The following TRHDE variants were observed in gnomAD, a reference collection of about 807,000 sequenced individuals.
TRHDE encodes the protein thyrotropin-releasing hormone-degrading ectoenzyme.
TRHDE carries 72 observed loss-of-function variants against 125.7 expected under a neutral mutation model. The observed-to-expected ratio is 0.57, with a 90% CI of 0.47 to 0.70. The LOEUF (loss-of-function observed/expected upper bound fraction) is 0.70. Among genes scored for constraint, TRHDE ranks in the 30% least tolerant of loss-of-function variants. The probability of loss-of-function intolerance (pLI) is 0.00; values close to 1 mark genes in which losing one functional copy is unlikely to be tolerated. For synonymous variants in TRHDE, 509 were observed against 509.1 expected (o/e 1.00, Z 0.00); for missense variants, 1,110 against 1,327.1 (o/e 0.84, Z 2.54).
intron 13 of TRHDE, among the ~76,000 whole-genome samples, chr12:72,619,346 G>A (rs1238310548): frequency 6.6e-6 from 1 of 152,110 alleles, no homozygotes; most frequent in Non-Finnish European, 1.5e-5. Flanking sequence ...TGTTCACAAA[G>A]GACTTAACCT....
chr12:72,433,984 C>G (rs991865200), intron 3 of TRHDE, among the ~76,000 whole-genome samples: 1 of 152,020 alleles, frequency 6.6e-6, no homozygotes, highest in African/African-American at 2.4e-5. Context: ...CGTGTACCTG[C>G]CTGTTGTGGA....
chr12:72,123,165 G>A (rs1592449060), intron 2 of TRHDE, among the ~76,000 whole-genome samples: 2 of 152,086 alleles, frequency 1.3e-5, no homozygotes, highest in Admixed American at 1.3e-4. Context: ...TGGTAGTGCT[G>A]TGTACACTAG....
chr12:72,261,953 T>C (rs1231307987), intron 2 of TRHDE, among the ~76,000 whole-genome samples: 1 of 152,058 alleles, frequency 6.6e-6, no homozygotes, highest in Admixed American at 6.6e-5. Flanking sequence ...TTGGAAAAAA[T>C]TTAATAAAGT....
At chr12:72,425,051 A>C (rs2135832230) in intron 3 of TRHDE, among the ~76,000 whole-genome samples, 1 of 152,252 alleles carries the variant, frequency 6.6e-6, no homozygotes, top group East Asian at 1.9e-4. Flanking sequence ...AGAAAAATGA[A>C]AGCAATATTG....
At position 72,272,680 on chromosome 12, in the gene TRHDE, G is replaced by A; in HGVS notation, c.37G>A (p.Glu13Lys). The A allele has an allele frequency of 3.0e-6, 4 of 1,321,322 alleles. No homozygotes were observed. Among genetic ancestry groups the A allele is most frequent in the Non-Finnish European group, 4.0e-6 (4 of 997,172 alleles). The allele number at this position is 1,321,322 out of a possible 1,614,324, so 81.8% of individuals were successfully genotyped here. A position where few individuals can be genotyped will look rare whatever the true frequency, so the allele number is the denominator to read the frequency against. The change falls in exon 1 of 19, where the codon GAG becomes AAG. Residue 13 changes from glutamate (E) to lysine (K), a missense_variant. Around this residue, in one of 5 missense-constraint regions of TRHDE, gnomAD observed 248 missense variants for 240.8 expected, o/e 1.03. Coordinates refer to ENST00000261180, the MANE Select transcript of TRHDE (RefSeq NM_013381.3). The surrounding 1 kb of genome is among the most constrained non-coding windows in gnomAD (Gnocchi z 6.7). ...CGGCGAGCTGGGGGAGCAAGAGGAG[G>A]AGAAGAAAAAGAAGAAGAAAAAGAA... ...LDGELGEQEE[E>K]KKKKKKKKRK... is the part of the protein sequence containing the mutation.
chr12:72,487,409 A>G (rs894120642), intron 5 of TRHDE, among the ~76,000 whole-genome samples: 1 of 152,188 alleles, frequency 6.6e-6, no homozygotes, highest in Admixed American at 6.5e-5. Flanking sequence ...ATAGTCATAT[A>G]TAAGGAGACC....
chr12:72,405,331 G>T (rs1873219854), intron 3 of TRHDE, among the ~76,000 whole-genome samples: 1 of 151,974 alleles, frequency 6.6e-6, no homozygotes, highest in African/African-American at 2.4e-5. Flanking sequence ...GCCTATTTTT[G>T]TTCATTTAAA....
At chr12:72,572,629 A>G (rs1228884417) in intron 10 of TRHDE, among the ~76,000 whole-genome samples, 6 of 152,224 alleles carry the variant, frequency 3.9e-5, no homozygotes, top group African/African-American at 1.2e-4. Flanking sequence ...AAGGCATAAA[A>G]ATATTCATGA....
At chr12:72,485,684 G>A (rs1280746524) in intron 5 of TRHDE, among the ~76,000 whole-genome samples, 1 of 152,166 alleles carries the variant, frequency 6.6e-6, no homozygotes, top group African/African-American at 2.4e-5. Flanking sequence ...TCGGAGTCCT[G>A]CCCCATACAA....
chr12:72,281,419 G>A (rs763672981), intron 1 of TRHDE, among the ~76,000 whole-genome samples: 7 of 152,142 alleles, frequency 4.6e-5, no homozygotes, highest in Non-Finnish European at 8.8e-5. Flanking sequence ...TCCGCTTACT[G>A]CAATCAGTTG....
At chr12:72,177,404 G>C (rs1877011800) in intron 2 of TRHDE, among the ~76,000 whole-genome samples, 1 of 152,120 alleles carries the variant, frequency 6.6e-6, no homozygotes, top group South Asian at 2.1e-4. Flanking sequence ...AGGCCATTCA[G>C]TGGCATTTAT....
Position 72,273,776 on chromosome 12 carries a change from C to G in TRHDE, c.914+219C>G. 1 of 548,544 alleles carries G rather than the reference C, an allele frequency of 1.8e-6. No individual in the cohort carries two copies. The highest frequency in any genetic ancestry group is 3.3e-6 in the Non-Finnish European group (1 of 307,486). 34.0% of individuals were successfully genotyped at this position (548,544 alleles called of 1,614,324 possible). A position where few individuals can be genotyped will look rare whatever the true frequency, so the allele number is the denominator to read the frequency against. On this transcript the variant is annotated intron_variant, in intron 1 of 18. Transcript: ENST00000261180. The surrounding 1 kb of genome is among the most constrained non-coding windows in gnomAD (Gnocchi z 5.3). ...ACTTCGCAAACTGACTCACCGGTGC[C>G]AAAAGATGAATGCTGCCCCCTCCTC...
At position 72,273,624 on chromosome 12, in the gene TRHDE, G is replaced by GCGACCCC; in HGVS notation, c.914+68_914+74dup. 2 of 1,457,516 alleles carry GCGACCCC rather than the reference G, an allele frequency of 1.4e-6. No homozygotes were observed. Among genetic ancestry groups the GCGACCCC allele is most frequent in the Non-Finnish European group, 9.2e-7 (1 of 1,086,666 alleles). The allele number at this position is 1,457,516 out of a possible 1,614,324, so 90.3% of individuals were successfully genotyped here. ...CGCGGCTCGAACCTCTGGGCGGCCT[G>GCGACCCC]CGACCCCGGGGACCCAGCTGGCTTC... On this transcript the variant is annotated intron_variant, in intron 1 of 18. Coordinates refer to ENST00000261180, the MANE Select transcript of TRHDE (RefSeq NM_013381.3). This position sits in a 1 kb window ranked among gnomAD's most constrained non-coding sequence, Gnocchi z 5.3.
intron 9 of TRHDE, among the ~76,000 whole-genome samples, chr12:72,568,342 C>T (rs1166698314): frequency 6.6e-6 from 1 of 151,940 alleles, no homozygotes; most frequent in African/African-American, 2.4e-5. Flanking sequence ...GTTGGCAGTT[C>T]TCTTTGCATT....
intron 8 of TRHDE, 131 bp from the exon 9 acceptor site, chr12:72,562,722 T>C (rs1474384365): frequency 1.8e-6 from 1 of 563,524 alleles, no homozygotes; most frequent in African/African-American, 1.9e-5. Flanking sequence ...TAACACATTA[T>C]ATTGGCTTCA....
chr12:72,197,671 A>C (rs1441241784), intron 2 of TRHDE, among the ~76,000 whole-genome samples: 1 of 151,884 alleles, frequency 6.6e-6, no homozygotes, highest in Non-Finnish European at 1.5e-5. Context: ...TTCTACTTTG[A>C]GTTCCTAGAA....
At chr12:72,622,171 C>G (rs1873080647) in intron 15 of TRHDE, among the ~76,000 whole-genome samples, 2 of 151,894 alleles carry the variant, frequency 1.3e-5, no homozygotes, top group Admixed American at 1.3e-4. Flanking sequence ...ATATTAAAAA[C>G]TAAAAATAAA....
chr12:72,196,997 C>T (rs1376586485), intron 2 of TRHDE, among the ~76,000 whole-genome samples: 2 of 152,066 alleles, frequency 1.3e-5, no homozygotes, highest in African/African-American at 4.8e-5. Flanking sequence ...TTTATTGAAG[C>T]TGTTTTAATC....
At chr12:72,439,149 T>C (rs998457970) in intron 3 of TRHDE, among the ~76,000 whole-genome samples, 1 of 151,908 alleles carries the variant, frequency 6.6e-6, no homozygotes, top group Non-Finnish European at 1.5e-5. Flanking sequence ...TCTGCTTAAT[T>C]GGTCTATGGT....
Sources: allele counts gnomAD v4.1 joint callset (sites outside exome capture counted in the v4.1 genomes callset), GRCh38; gene constraint gnomAD v4.1.1; regional missense constraint gnomAD v4.1.1; non-coding constraint Gnocchi (gnomAD v3.1); transcripts MANE v1.5; gene names NCBI Gene and HGNC (gene_info 2026-07-23, HGNC 2026-07-21).